The following OR3A2 variants were observed in gnomAD, a reference collection of about 807,000 sequenced individuals.
OR3A2 encodes olfactory receptor 3A2.
For synonymous variants in OR3A2, 126 were observed against 159.3 expected, an observed-to-expected ratio of 0.79 and a Z score of 1.57; for missense variants, 318 against 392.8, an observed-to-expected ratio of 0.81 and a Z score of 1.61.
chr17:3,315,405 T>C (rs1989040), intron 3 of OR3A2, among the ~76,000 whole-genome samples: 23,020 of 152,160 alleles, frequency 0.15, 2,305 homozygotes, highest in African/African-American at 0.28. Context: ...TGGTGTCTCA[T>C]TGTGATTTTG....
intron 2 of OR3A2, among the ~76,000 whole-genome samples, chr17:3,376,728 C>T (rs1307246385): frequency 6.6e-6 from 1 of 152,106 alleles, no homozygotes; most frequent in Non-Finnish European, 1.5e-5. Flanking sequence ...GCAAGCAGGG[C>T]TATCAGGTCT....
rs146339728 is a variant in OR3A2 at position 3,313,081 on chromosome 17, T to A, written c.-85+22952A>T. Among the ~76,000 whole-genome samples, 91 of 152,306 alleles carry A rather than the reference T, an allele frequency of 6.0e-4. 1 individual carries two copies. The highest frequency in any genetic ancestry group is 4.4e-3 in the South Asian group (21 of 4,826). ...TTATCAATGAGTAAGTACTGGAACC[T>A]GAGATTTTAACAACAGAGTGAAATT... On this transcript the variant is annotated intron_variant, in intron 3 of 4. Transcript: ENST00000573491.
At chr17:3,348,736 A>C (rs1896343495) in intron 2 of OR3A2, among the ~76,000 whole-genome samples, 1 of 152,126 alleles carries the variant, frequency 6.6e-6, no homozygotes, top group Non-Finnish European at 1.5e-5. Flanking sequence ...TGTCAGATTC[A>C]CCAAAGTTGA....
At chr17:3,340,523 T>G (rs1181866136) in intron 2 of OR3A2, among the ~76,000 whole-genome samples, 2 of 152,192 alleles carry the variant, frequency 1.3e-5, no homozygotes, top group South Asian at 2.1e-4. Context: ...ATTTCATGAT[T>G]TATCCAGTAG....
chr17:3,369,545 G>T (rs230477), intron 2 of OR3A2, among the ~76,000 whole-genome samples: 62,229 of 152,022 alleles, frequency 0.41, 13,044 homozygotes, highest in Admixed American at 0.52. Context: ...ATTGACTTAT[G>T]TATGTTAAAC....
chr17:3,277,334 T>C (rs146832803), exon 2 of OR3A2: 13 of 152,380 alleles, frequency 8.5e-5, no homozygotes, highest in African/African-American at 3.1e-4. Context: ...TTTTGGTTTT[T>C]TTAAAAAACT....
rs1238999656 is a variant in OR3A2, at chr17:3,294,440, A to G, written c.-84-15287T>C. ...GAAAAGAGAGAAAATGACAGATATG[A>G]GAAAAGACAAAGGAGATCCAATCTA... On this transcript the variant is annotated intron_variant, in intron 3 of 4. Coordinates refer to the OR3A2 transcript ENST00000573491. Among the ~76,000 whole-genome samples the G allele has an allele frequency of 1.3e-5, 2 of 152,178 alleles. 1 individual carries two copies. Among genetic ancestry groups the G allele is most frequent in the South Asian group, 4.1e-4 (2 of 4,838 alleles).
chr17:3,350,885 A>C (rs950151629), intron 2 of OR3A2, among the ~76,000 whole-genome samples: 3 of 149,018 alleles, frequency 2.0e-5, no homozygotes, highest in Non-Finnish European at 3.0e-5. Context: ...CAATATATGC[A>C]AATCAATAAA....
chr17:3,384,861 G>T (rs1597368130), intron 1 of OR3A2, among the ~76,000 whole-genome samples: 2 of 152,008 alleles, frequency 1.3e-5, no homozygotes, highest in East Asian at 3.9e-4. Context: ...TGGACCACAA[G>T]CCTAAAATAT....
chr17:3,304,851 A>G (rs1179074294), intron 3 of OR3A2, among the ~76,000 whole-genome samples: 7 of 152,248 alleles, frequency 4.6e-5, no homozygotes, highest in African/African-American at 7.2e-5. Context: ...ACATGCTACA[A>G]CATGAATGAC....
intron 2 of OR3A2, among the ~76,000 whole-genome samples, chr17:3,375,166 TTTTCTTTTTG>T (rs2049670200): frequency 8.8e-6 from 1 of 113,188 alleles, no homozygotes; most frequent in African/African-American, 4.2e-5. Flanking sequence ...TTTTTTTTTT[TTTTCTTTTTG>T]AGACAGTCTC....
At chr17:3,324,623 A>G (rs1423227078) in intron 3 of OR3A2, among the ~76,000 whole-genome samples, 2 of 151,940 alleles carry the variant, frequency 1.3e-5, no homozygotes, top group Non-Finnish European at 2.9e-5. Flanking sequence ...CTAGAGGTCC[A>G]CTCCAGACCC....
chr17:3,322,481 T>C (rs1188880080), intron 3 of OR3A2, among the ~76,000 whole-genome samples: 3 of 152,212 alleles, frequency 2.0e-5, no homozygotes, highest in Admixed American at 1.3e-4. Context: ...CAATTTTAGA[T>C]CTTTCCTGCT....
At chr17:3,358,418 T>C (rs2049480986) in intron 2 of OR3A2, among the ~76,000 whole-genome samples, 1 of 151,768 alleles carries the variant, frequency 6.6e-6, no homozygotes, top group Non-Finnish European at 1.5e-5. Flanking sequence ...CATTTAGTGC[T>C]ATGAATTTCC....
chr17:3,305,979 A>G (rs1292331690), intron 3 of OR3A2, among the ~76,000 whole-genome samples: 2 of 152,248 alleles, frequency 1.3e-5, no homozygotes, highest in African/African-American at 4.8e-5. Context: ...CAATTAATAG[A>G]TGCCAAATAA....
At chr17:3,334,807 A>G (rs1014993108) in intron 3 of OR3A2, among the ~76,000 whole-genome samples, 1 of 152,230 alleles carries the variant, frequency 6.6e-6, no homozygotes, top group Non-Finnish European at 1.5e-5. Context: ...TAGGCTTTTA[A>G]AAATTAGAGT....
At chr17:3,367,641 CTGT>C (rs1426231444) in intron 2 of OR3A2, among the ~76,000 whole-genome samples, 1 of 133,518 alleles carries the variant, frequency 7.5e-6, no homozygotes, top group Non-Finnish European at 1.6e-5. Flanking sequence ...CTTTATCCAC[CTGT>C]TGGTTGATGG....
At chr17:3,369,007 G>C (rs1030166296) in intron 2 of OR3A2, among the ~76,000 whole-genome samples, 20 of 152,130 alleles carry the variant, frequency 1.3e-4, no homozygotes, top group African/African-American at 4.6e-4. Context: ...AGTTGTAAAA[G>C]GGGTTGAGTT....
At chr17:3,368,406 T>C (rs555378718) in intron 2 of OR3A2, among the ~76,000 whole-genome samples, 1 of 152,344 alleles carries the variant, frequency 6.6e-6, no homozygotes, top group South Asian at 2.1e-4. Context: ...TGAGTAGATT[T>C]TTGTATTAAG....
Sources: gnomAD v4.1 joint callset for allele counts (sites outside exome capture counted in the v4.1 genomes callset) on GRCh38, gnomAD v4.1.1 for gene constraint, MANE v1.5 for transcripts, NCBI Gene and HGNC (gene_info 2026-07-23, HGNC 2026-07-21) for gene names.